The following SH3KBP1 variants were observed in gnomAD, a reference collection of about 807,000 sequenced individuals.
The protein encoded by SH3KBP1 is SH3 domain-containing kinase-binding protein 1.
In SH3KBP1, 8 loss-of-function variants were observed where a neutral mutation model predicts 50.1. That is an observed-to-expected ratio of 0.16 (90% CI 0.09 to 0.29). SH3KBP1 has a LOEUF of 0.29. Among genes scored for constraint, SH3KBP1 ranks in the 10% least tolerant of loss-of-function variants. SH3KBP1 has a pLI of 1.00. For synonymous variants in SH3KBP1, 227 were observed against 218.6 expected, an observed-to-expected ratio of 1.04 and a Z score of -0.34; for missense variants, 377 against 535.2, an observed-to-expected ratio of 0.70 and a Z score of 2.92.
chrX:19,872,391 G>A (rs932663830), intron 1 of SH3KBP1, among the ~76,000 whole-genome samples: 7 of 110,280 alleles, frequency 6.3e-5, no homozygotes, highest in Non-Finnish European at 1.3e-4. Context: ...ACCTGAACTC[G>A]AGACCAGGAT....
At chrX:19,579,835 G>C (rs2066310587) in intron 12 of SH3KBP1, among the ~76,000 whole-genome samples, 1 of 111,692 alleles carries the variant, frequency 9.0e-6, no homozygotes, top group South Asian at 3.8e-4. Context: ...GCTGCAGCTG[G>C]GGGAGGCCAC....
intron 12 of SH3KBP1, among the ~76,000 whole-genome samples, chrX:19,569,507 C>T (rs949476): frequency 0.18 from 19,759 of 112,159 alleles, 1,308 homozygotes; most frequent in Non-Finnish European, 0.19. Flanking sequence ...TCCTGCCCTG[C>T]GGCCAAATAA....
intron 16 of SH3KBP1, 123 bp from the exon 17 acceptor site, chrX:19,537,903 A>T (rs192252658): frequency 1.7e-6 from 1 of 574,346 alleles, no homozygotes; most frequent in East Asian, 3.4e-5. Flanking sequence ...TGTGGACAAC[A>T]CATCATTATT....
chrX:19,638,751 C>A (rs766621158), intron 7 of SH3KBP1, among the ~76,000 whole-genome samples: 1 of 111,803 alleles, frequency 8.9e-6, no homozygotes, highest in Non-Finnish European at 1.9e-5. Flanking sequence ...TAGACAGGAA[C>A]TCCAGTTCTG....
intron 2 of SH3KBP1, among the ~76,000 whole-genome samples, chrX:19,821,555 G>A (rs1035278931): frequency 9.1e-6 from 1 of 110,339 alleles, no homozygotes; most frequent in Non-Finnish European, 1.9e-5. Context: ...CTGAGATGGA[G>A]TCTCACTCTG....
intron 3 of SH3KBP1, among the ~76,000 whole-genome samples, chrX:19,717,862 T>C (rs758357208): frequency 9.0e-6 from 1 of 111,523 alleles, no homozygotes; most frequent in Non-Finnish European, 1.9e-5. Flanking sequence ...GTATGTTTGA[T>C]TTTATATTCG....
At chrX:19,561,310 C>G (rs1260629325) in intron 13 of SH3KBP1, among the ~76,000 whole-genome samples, 3 of 110,303 alleles carry the variant, frequency 2.7e-5, no homozygotes, top group Admixed American at 9.7e-5. Flanking sequence ...CATTCACCAG[C>G]CTGGGTAACT....
chrX:19,809,418 G>A (rs1463336356), intron 2 of SH3KBP1, among the ~76,000 whole-genome samples: 1 of 110,372 alleles, frequency 9.1e-6, no homozygotes, highest in Non-Finnish European at 1.9e-5. Context: ...CAGCTACTCG[G>A]GAGGCTGAGG....
chrX:19,642,309 G>A (rs779626578), intron 7 of SH3KBP1, among the ~76,000 whole-genome samples: 1 of 111,825 alleles, frequency 8.9e-6, no homozygotes, highest in East Asian at 2.8e-4. Flanking sequence ...CAACCTAGAG[G>A]GACCAATGAT....
At chrX:19,773,980 G>GA (rs1378759994) in intron 2 of SH3KBP1, among the ~76,000 whole-genome samples, 11 of 108,011 alleles carry the variant, frequency 1.0e-4, no homozygotes, top group Non-Finnish European at 2.1e-4. Flanking sequence ...CTGGGGAGAA[G>GA]AAGCTCATGT....
At chrX:19,844,032 C>A (rs2068297034) in intron 1 of SH3KBP1, among the ~76,000 whole-genome samples, 1 of 111,431 alleles carries the variant, frequency 9.0e-6, no homozygotes, top group South Asian at 3.8e-4. Flanking sequence ...GGCTGTGTGA[C>A]ATGGGGTGAG....
At position 19,734,751 on chromosome X, in the gene SH3KBP1, C is replaced by T. The variant is rs188784693; in HGVS notation, c.286+11567G>A. Reference sequence around the variant, plus strand: ...TCTATCTCTAGGGATTTGCTTATTCCGCACGTTCATATCAATGGAATCATA... The same window carrying T: ...TCTATCTCTAGGGATTTGCTTATTCTGCACGTTCATATCAATGGAATCATA... On this transcript the variant is annotated intron_variant, in intron 3 of 17. Transcript: ENST00000397821. Among the ~76,000 whole-genome samples the T allele has an allele frequency of 3.3e-4, 37 of 112,030 alleles. No homozygotes were observed. In the East Asian group the frequency reaches 6.1e-3, roughly 19 times the overall value.
At chrX:19,553,407 G>A (rs1428731970) in intron 13 of SH3KBP1, among the ~76,000 whole-genome samples, 2 of 111,522 alleles carry the variant, frequency 1.8e-5, no homozygotes, top group Non-Finnish European at 3.8e-5. Context: ...ACCCAGAAGT[G>A]TGATGTCTGT....
intron 5 of SH3KBP1, among the ~76,000 whole-genome samples, chrX:19,688,863 G>T (rs190343915): frequency 8.9e-5 from 10 of 111,933 alleles, no homozygotes; most frequent in African/African-American, 2.6e-4. Context: ...GAGAAGCAGG[G>T]AGTAGAACTA....
chrX:19,852,062 G>C (rs1216995471), intron 1 of SH3KBP1, among the ~76,000 whole-genome samples: 1 of 111,681 alleles, frequency 9.0e-6, no homozygotes, highest in Non-Finnish European at 1.9e-5. Context: ...TTGACCAACA[G>C]AGTGGAGGAA....
rs1428002271 is a variant in SH3KBP1, at chrX:19,534,576, T to A, written c.*1841A>T. On this transcript the variant is annotated 3_prime_UTR_variant, in exon 18 of 18. Coordinates refer to ENST00000397821, the MANE Select transcript of SH3KBP1 (RefSeq NM_031892.3). ...TTCAAGTTTAACGCAGAAATGCTTATAACTGTCAAGGGGTACAGGGATGTT... is the reference window on the plus strand; with the variant it reads ...TTCAAGTTTAACGCAGAAATGCTTAAAACTGTCAAGGGGTACAGGGATGTT... The A allele has an allele frequency of 4.1e-6, 1 of 244,756 alleles. No homozygotes were observed. The highest frequency in any genetic ancestry group is 7.2e-6 in the Non-Finnish European group (1 of 137,990). 20.2% of individuals were successfully genotyped at this position (244,756 alleles called of 1,213,427 possible). A position where few individuals can be genotyped will look rare whatever the true frequency, so the allele number is the denominator to read the frequency against.
At chrX:19,785,368 A>G (rs938707073) in intron 2 of SH3KBP1, among the ~76,000 whole-genome samples, 1 of 109,108 alleles carries the variant, frequency 9.2e-6, no homozygotes, top group Non-Finnish European at 1.9e-5. Flanking sequence ...AAATACAAAA[A>G]AAAAAAAAAA....
chrX:19,657,005 A>G (rs924884325), intron 6 of SH3KBP1, among the ~76,000 whole-genome samples: 2 of 111,804 alleles, frequency 1.8e-5, no homozygotes, highest in African/African-American at 6.5e-5. Flanking sequence ...TGTCTTTCAG[A>G]GTAGAGAAGG....
At chrX:19,554,013 T>TATTAA (rs2065349725) in intron 13 of SH3KBP1, among the ~76,000 whole-genome samples, 2 of 66,066 alleles carry the variant, frequency 3.0e-5, no homozygotes, top group African/African-American at 1.6e-4. Flanking sequence ...ATATAATATA[T>TATTAA]AATATATATT....
Sources: gnomAD v4.1 joint callset for allele counts (sites outside exome capture counted in the v4.1 genomes callset) on GRCh38, gnomAD v4.1.1 for gene constraint, MANE v1.5 for transcripts, NCBI Gene and HGNC (gene_info 2026-07-23, HGNC 2026-07-21) for gene names.